The following HCRTR2 variants were observed in gnomAD, a reference collection of about 807,000 sequenced individuals.
The protein encoded by HCRTR2 is orexin receptor type 2.
HCRTR2 carries 22 observed loss-of-function variants against 49.0 expected under a neutral mutation model. The ratio of observed to expected loss-of-function variants is 0.45; its 90% confidence interval spans 0.32 to 0.64. The LOEUF (loss-of-function observed/expected upper bound fraction) is 0.64, where lower values mean the gene tolerates loss of function less well. Among genes scored for constraint, HCRTR2 ranks in the 30% least tolerant of loss-of-function variants. The pLI, the probability that HCRTR2 is intolerant of heterozygous loss-of-function variation, is 0.04. For synonymous variants in HCRTR2, 236 were observed against 205.3 expected (o/e 1.15, Z -1.28); for missense variants, 491 against 559.4 (o/e 0.88, Z 1.23).
At chr6:55,146,842 G>A (rs1764586909) in intron 1 of HCRTR2, among the ~76,000 whole-genome samples, 2 of 152,108 alleles carry the variant, frequency 1.3e-5, no homozygotes, top group Non-Finnish European at 2.9e-5. Flanking sequence ...GCTCCAAGGT[G>A]ATTCCAATGC....
At chr6:55,240,637 G>T (rs1014932908) in intron 1 of HCRTR2, 2 of 200,614 alleles carry the variant, frequency 1.0e-5, no homozygotes, top group Non-Finnish European at 2.1e-5. Context: ...GGCCAATGCC[G>T]TAACAGTGTG....
chr6:55,210,421 A>C (rs1320241017), intron 1 of HCRTR2, among the ~76,000 whole-genome samples: 1 of 152,064 alleles, frequency 6.6e-6, no homozygotes, highest in Non-Finnish European at 1.5e-5. Context: ...ATCCTCACTG[A>C]ATATATCAGG....
At chr6:55,183,326 G>C (rs1765164447) in intron 1 of HCRTR2, among the ~76,000 whole-genome samples, 1 of 152,144 alleles carries the variant, frequency 6.6e-6, no homozygotes, top group South Asian at 2.1e-4. Flanking sequence ...AGAAAATTGG[G>C]TAAGGATGTT....
intron 1 of HCRTR2, among the ~76,000 whole-genome samples, chr6:55,114,145 G>A (rs183745822): frequency 1.3e-5 from 2 of 151,688 alleles, no homozygotes; most frequent in African/African-American, 2.4e-5. Flanking sequence ...AAGGGTGAGG[G>A]TTAAAATACT....
chr6:55,136,806 T>C (rs997230730), intron 1 of HCRTR2, among the ~76,000 whole-genome samples: 3 of 152,110 alleles, frequency 2.0e-5, no homozygotes, highest in African/African-American at 7.2e-5. Context: ...CCTTTCTCAC[T>C]TGCGCTTACA....
At chr6:55,142,978 A>ATAG (rs1764528934) in intron 1 of HCRTR2, among the ~76,000 whole-genome samples, 1 of 115,590 alleles carries the variant, frequency 8.7e-6, no homozygotes, top group Admixed American at 9.6e-5. Flanking sequence ...ATTATGATAG[A>ATAG]AAGATGATAG....
At chr6:55,261,992 T>A (rs531494506) in intron 3 of HCRTR2, among the ~76,000 whole-genome samples, 9 of 152,260 alleles carry the variant, frequency 5.9e-5, no homozygotes, top group South Asian at 4.1e-4. Flanking sequence ...TGGAGGGATT[T>A]GGAGACCATT....
At chr6:55,108,331 C>T (rs923106403) in intron 1 of HCRTR2, among the ~76,000 whole-genome samples, 2 of 151,902 alleles carry the variant, frequency 1.3e-5, no homozygotes, top group Non-Finnish European at 2.9e-5. Flanking sequence ...CAAGAACTAC[C>T]ACAGGAACAT....
At chr6:55,231,429 A>G (rs1252095952) in intron 1 of HCRTR2, among the ~76,000 whole-genome samples, 1 of 152,164 alleles carries the variant, frequency 6.6e-6, no homozygotes, top group East Asian at 1.9e-4. Flanking sequence ...ATAGAATCAA[A>G]AGGAATAACC....
intron 1 of HCRTR2, among the ~76,000 whole-genome samples, chr6:55,230,844 A>AT (rs75572207): frequency 0.035 from 5,106 of 147,022 alleles, 283 homozygotes; most frequent in African/African-American, 0.12. Context: ...CAGGTCAAAG[A>AT]TTTTTTTTTT....
intron 1 of HCRTR2, among the ~76,000 whole-genome samples, chr6:55,212,807 T>G (rs1174190642): frequency 6.6e-6 from 1 of 152,124 alleles, no homozygotes; most frequent in Non-Finnish European, 1.5e-5. Flanking sequence ...ATATCATAAG[T>G]GATTAAGTGA....
At chr6:55,216,295 GT>G (rs902560758) in intron 1 of HCRTR2, among the ~76,000 whole-genome samples, 5 of 152,040 alleles carry the variant, frequency 3.3e-5, no homozygotes, top group Non-Finnish European at 7.4e-5. Flanking sequence ...CATAATTTAT[GT>G]CCTTATCATA....
chr6:55,142,751 AAT>A (rs1364013117), intron 1 of HCRTR2, among the ~76,000 whole-genome samples: 1 of 152,120 alleles, frequency 6.6e-6, no homozygotes, highest in Non-Finnish European at 1.5e-5. Flanking sequence ...ATTTAATAAT[AAT>A]GTATTCTTTC....
intron 1 of HCRTR2, among the ~76,000 whole-genome samples, chr6:55,179,580 G>A (rs887263259): frequency 6.6e-6 from 1 of 152,086 alleles, no homozygotes; most frequent in African/African-American, 2.4e-5. Context: ...ACAATAATGA[G>A]AATAACATGT....
intron 1 of HCRTR2, among the ~76,000 whole-genome samples, chr6:55,203,628 G>C (rs12663056): frequency 0.21 from 31,581 of 151,982 alleles, 3,416 homozygotes; most frequent in Admixed American, 0.29. Flanking sequence ...ACAAGTGGAT[G>C]GTCACCTTCT....
intron 1 of HCRTR2, among the ~76,000 whole-genome samples, chr6:55,215,724 A>T (rs1765775296): frequency 6.6e-6 from 1 of 151,686 alleles, no homozygotes; most frequent in Non-Finnish European, 1.5e-5. Context: ...AATAAGACTG[A>T]GGTTAGGTTT....
chr6:55,108,032 CAT>C (rs1406613880), intron 1 of HCRTR2, among the ~76,000 whole-genome samples: 1 of 152,048 alleles, frequency 6.6e-6, no homozygotes, highest in Non-Finnish European at 1.5e-5. Flanking sequence ...AAAATTGATA[CAT>C]GTTAACTTTT....
chr6:55,250,487 G>A (rs1766528404), intron 2 of HCRTR2, among the ~76,000 whole-genome samples: 1 of 152,224 alleles, frequency 6.6e-6, no homozygotes, highest in South Asian at 2.1e-4. Flanking sequence ...GGCTGCAGTT[G>A]CCCAGAATCT....
At chr6:55,253,396 A>G (rs960658487) in intron 2 of HCRTR2, among the ~76,000 whole-genome samples, 2 of 152,160 alleles carry the variant, frequency 1.3e-5, no homozygotes, top group Non-Finnish European at 2.9e-5. Context: ...TATAATCAAC[A>G]TATCAACAAG....
Sources: allele counts gnomAD v4.1 joint callset (sites outside exome capture counted in the v4.1 genomes callset), GRCh38; gene constraint gnomAD v4.1.1; transcripts MANE v1.5; gene names NCBI Gene and HGNC (gene_info 2026-07-23, HGNC 2026-07-21).